KDM4C: variants seen among roughly 807,000 people sequenced by gnomAD.
KDM4C encodes lysine demethylase 4C.
In KDM4C, 81 loss-of-function variants were observed where a neutral mutation model predicts 129.3. The observed-to-expected ratio is 0.63, with a 90% CI of 0.52 to 0.75. The LOEUF is 0.75. Ranked by LOEUF, KDM4C falls within the 30% of genes least tolerant of loss-of-function variation. The probability of loss-of-function intolerance (pLI) is 0.00; values close to 1 mark genes in which losing one functional copy is unlikely to be tolerated. For synonymous variants in KDM4C, 573 were observed against 456.1 expected (o/e 1.26, Z -3.26); for missense variants, 1,457 against 1,304.0 (o/e 1.12, Z -1.81).
chr9:7,020,711 G>T (rs935441850), intron 15 of KDM4C, among the ~76,000 whole-genome samples: 1 of 151,934 alleles, frequency 6.6e-6, no homozygotes, highest in Non-Finnish European at 1.5e-5. Context: ...ATATATTTAT[G>T]GGTTACATGA....
At chr9:6,870,786 A>G (rs889376866) in intron 5 of KDM4C, among the ~76,000 whole-genome samples, 1 of 151,738 alleles carries the variant, frequency 6.6e-6, no homozygotes, top group Non-Finnish European at 1.5e-5. Flanking sequence ...ACAAGCAGAA[A>G]CATAAATAAG....
At chr9:7,135,940 G>C (rs79006141) in intron 19 of KDM4C, among the ~76,000 whole-genome samples, 4,509 of 152,238 alleles carry the variant, frequency 0.03, 256 homozygotes, top group African/African-American at 0.1. Flanking sequence ...CACTGATGCA[G>C]TTATACTCCC....
intron 1 of KDM4C, among the ~76,000 whole-genome samples, chr9:6,773,764 C>T: frequency 7.1e-6 from 1 of 141,676 alleles, no homozygotes; most frequent in Non-Finnish European, 1.5e-5. Flanking sequence ...GAGTGAGACT[C>T]TGTCTCAAAA....
At chr9:7,161,615 G>A (rs1050296623) in intron 19 of KDM4C, among the ~76,000 whole-genome samples, 7 of 152,172 alleles carry the variant, frequency 4.6e-5, no homozygotes, top group Non-Finnish European at 1.0e-4. Flanking sequence ...AGAGCCATGG[G>A]GTTTAGTGTG....
intron 8 of KDM4C, among the ~76,000 whole-genome samples, chr9:6,945,168 G>C (rs1266408620): frequency 6.6e-6 from 1 of 152,064 alleles, no homozygotes; most frequent in East Asian, 1.9e-4. Flanking sequence ...ATGCTCACAT[G>C]CTCATAAAAA....
chr9:6,804,155 T>C (rs925475328), intron 2 of KDM4C, among the ~76,000 whole-genome samples: 12 of 152,212 alleles, frequency 7.9e-5, no homozygotes, highest in African/African-American at 2.9e-4. Flanking sequence ...TATCAATATG[T>C]ATTTTTGGTC....
intron 15 of KDM4C, among the ~76,000 whole-genome samples, chr9:7,044,658 A>T (rs1019077332): frequency 6.6e-6 from 1 of 151,900 alleles, no homozygotes; most frequent in South Asian, 2.1e-4. Flanking sequence ...TGAGAAGAAG[A>T]TATGAGTTCA....
chr9:7,100,380 C>T (rs940919834), intron 17 of KDM4C, among the ~76,000 whole-genome samples: 3 of 152,168 alleles, frequency 2.0e-5, no homozygotes, highest in African/African-American at 7.2e-5. Flanking sequence ...CACTCTGTTA[C>T]CCAGGCTGGA....
At chr9:7,006,296 G>A (rs909844533) in intron 12 of KDM4C, among the ~76,000 whole-genome samples, 2 of 152,130 alleles carry the variant, frequency 1.3e-5, no homozygotes, top group Non-Finnish European at 2.9e-5. Context: ...TCAAATTAAT[G>A]GGGCCTCCCC....
chr9:6,822,829 T>G (rs1833259397), intron 4 of KDM4C, among the ~76,000 whole-genome samples: 1 of 152,248 alleles, frequency 6.6e-6, no homozygotes, highest in Admixed American at 6.5e-5. Flanking sequence ...AGGTATAACA[T>G]TGCTGAGATG....
chr9:7,155,359 A>T (rs895699271), intron 19 of KDM4C, among the ~76,000 whole-genome samples: 3 of 151,382 alleles, frequency 2.0e-5, no homozygotes, highest in Non-Finnish European at 3.0e-5. Flanking sequence ...TTTATTTATT[A>T]TTTTTTTTTA....
At chr9:6,921,465 C>G (rs1353058357) in intron 8 of KDM4C, among the ~76,000 whole-genome samples, 2 of 152,186 alleles carry the variant, frequency 1.3e-5, no homozygotes, top group African/African-American at 4.8e-5. Flanking sequence ...TCACTGCTCA[C>G]TCGCTTTCTG....
intron 12 of KDM4C, among the ~76,000 whole-genome samples, chr9:7,007,873 T>A (rs1339666460): frequency 6.6e-6 from 1 of 152,180 alleles, no homozygotes; most frequent in East Asian, 1.9e-4. Flanking sequence ...TAAAAAATAA[T>A]GATTTTCCCA....
chr9:6,804,351 G>A (rs114356098), intron 2 of KDM4C, among the ~76,000 whole-genome samples: 2,505 of 152,268 alleles, frequency 0.016, 68 homozygotes, highest in African/African-American at 0.057. Flanking sequence ...ACTATGCCAT[G>A]GACACAGGTA....
At chr9:7,163,275 A>G (rs1198617828) in intron 19 of KDM4C, among the ~76,000 whole-genome samples, 1 of 152,122 alleles carries the variant, frequency 6.6e-6, no homozygotes. Flanking sequence ...CAAATAACTC[A>G]TCAGTATTAG....
intron 5 of KDM4C, among the ~76,000 whole-genome samples, chr9:6,864,742 C>A (rs999035002): frequency 1.3e-5 from 2 of 151,624 alleles, no homozygotes; most frequent in African/African-American, 4.8e-5. Flanking sequence ...TTGCTCAGTT[C>A]CCCCTTGAAC....
chr9:6,937,800 C>G (rs778486240), intron 8 of KDM4C, among the ~76,000 whole-genome samples: 1 of 152,110 alleles, frequency 6.6e-6, no homozygotes, highest in Non-Finnish European at 1.5e-5. Flanking sequence ...CAACCTCTGC[C>G]TCCCGGGTTC....
chr9:6,753,106 A>G (rs1443334700), upstream of KDM4C, among the ~76,000 whole-genome samples: 3 of 152,170 alleles, frequency 2.0e-5, no homozygotes, highest in Non-Finnish European at 4.4e-5. Flanking sequence ...TTCTACCCCA[A>G]TGGATGGTTT....
chr9:6,953,064 T>A (rs1195049756), intron 8 of KDM4C, among the ~76,000 whole-genome samples: 1 of 152,252 alleles, frequency 6.6e-6, no homozygotes, highest in Non-Finnish European at 1.5e-5. Context: ...TTTTCATGAT[T>A]AATTGATACT....
Sources: gnomAD v4.1 joint callset for allele counts (sites outside exome capture counted in the v4.1 genomes callset) on GRCh38, gnomAD v4.1.1 for gene constraint, MANE v1.5 for transcripts, NCBI Gene and HGNC (gene_info 2026-07-23, HGNC 2026-07-21) for gene names.